Variants in CAPN9 observed in about 807,000 individuals in gnomAD.
CAPN9 encodes calpain 9, also known as calpain-9.
In CAPN9, 81 loss-of-function variants were observed where a neutral mutation model predicts 92.8. The ratio of observed to expected loss-of-function variants is 0.87; its 90% CI spans 0.73 to 1.05. The LOEUF is 1.05. CAPN9 is among the 50% of genes least tolerant of loss of function. The pLI, the probability that CAPN9 is intolerant of heterozygous loss-of-function variation, is 0.00. For missense variants in CAPN9, 848 were observed against 866.2 expected, an observed-to-expected ratio of 0.98 and a Z score of 0.26; for synonymous variants, 304 against 328.0, an observed-to-expected ratio of 0.93 and a Z score of 0.79.
chr1:230,752,629 G>A, intron 1 of CAPN9: 1 of 973,204 alleles, frequency 1.0e-6, no homozygotes, highest in Non-Finnish European at 1.2e-6. Flanking sequence ...AAGGAGGCGG[G>A]CATCCGGGAA....
chr1:230,780,737 C>A, intron 11 of CAPN9, 29 bp downstream of exon 11: 1 of 1,587,602 alleles, frequency 6.3e-7, no homozygotes, highest in Non-Finnish European at 8.7e-7. Context: ...TTCCAGAATC[C>A]CACTTCTTTT....
At chr1:230,768,996 C>T (rs779260096) in intron 5 of CAPN9, among the ~76,000 whole-genome samples, 184 bp from the exon 6 acceptor site, 1 of 152,266 alleles carries the variant, frequency 6.6e-6, no homozygotes. Context: ...GAGACTGGAA[C>T]TTGCTTCATG....
In CAPN9 at chr1:230,767,696, G is replaced by C; in HGVS notation, c.692G>C (p.Gly231Ala). ...EKALKRGSLL[G>A]CFIDTRSAAE... ...GCTTTGAAGAGAGGCTCCCTGCTGG[G>C]CTGCTTCATTGATGTAAGTTGCTCA... The change falls in exon 5 of 20, where the codon GGC becomes GCC. Residue 231 changes from glycine (G) to alanine (A), a missense_variant. By Grantham distance (60) the Gly-to-Ala change is moderately conservative (BLOSUM62 0). Transcript: ENST00000271971. 6.2e-7 allele frequency: 1 copy of C among 1,612,608 alleles called. No individual in the cohort carries two copies. The highest frequency in any genetic ancestry group is 1.1e-5 in the South Asian group (1 of 90,974).
rs1571997033 is a variant in CAPN9 at position 230,747,680 on chromosome 1, C to T, written c.184C>T (p.Gln62Ter). The change falls in exon 1 of 20, where the codon CAG becomes TAG. Residue 62 changes from glutamine to a stop codon, truncating the protein, a stop_gained. Transcript: ENST00000271971. LOFTEE classifies it high-confidence loss of function. ...CTCCCTGTTCTACAGTGAGAGGCCG[C>T]AGATCCCCTTTGTGTGGAAACGACC... Reference protein sequence around the residue: ...NSSLFYSERPQIPFVWKRPGE... With the variant: ...NSSLFYSERP 1 of 1,614,202 alleles carries T rather than the reference C, an allele frequency of 6.2e-7. No homozygotes were observed. The highest frequency in any genetic ancestry group is 2.2e-5 in the East Asian group (1 of 44,886).
At chr1:230,762,118 G>A (rs1159840998) in intron 3 of CAPN9, among the ~76,000 whole-genome samples, 3 of 152,192 alleles carry the variant, frequency 2.0e-5, no homozygotes, top group Admixed American at 6.5e-5. Flanking sequence ...TCACTGGCAC[G>A]CAGGGATTAC....
At chr1:230,789,406 G>A (rs1435214316) in intron 13 of CAPN9, among the ~76,000 whole-genome samples, 1 of 144,418 alleles carries the variant, frequency 6.9e-6, no homozygotes, top group Admixed American at 7.1e-5. Context: ...ATGGGAAATT[G>A]AGGCTGCAGT....
At chr1:230,767,358 T>C (rs138941489) in intron 4 of CAPN9, among the ~76,000 whole-genome samples, 183 bp from the exon 5 acceptor site, 17 of 152,248 alleles carry the variant, frequency 1.1e-4, no homozygotes, top group African/African-American at 3.9e-4. Flanking sequence ...GTCAGGATCT[T>C]TGGCTTCCTC....
At position 230,762,727 on chromosome 1, in the gene CAPN9, C is replaced by T. The variant is rs1259542731; in HGVS notation, c.477C>T (p.Phe159=). The T allele has an allele frequency of 6.2e-7, 1 of 1,614,184 alleles. No homozygotes were observed. Among genetic ancestry groups the T allele is most frequent in the East Asian group, 2.2e-5 (1 of 44,886 alleles). Residue 159 remains phenylalanine, a synonymous_variant, in exon 4 of 20, where the codon TTC becomes TTT. Coordinates refer to ENST00000271971, the MANE Select transcript of CAPN9 (RefSeq NM_006615.3). ...RLPTFRDRLV[F]LHSADHNEFW... is the part of the protein sequence containing the mutation. ...CCACCTTCAGGGACCGCTTGGTTTTCCTCCACTCTGCCGACCACAACGAGT... is the reference window on the plus strand; with the variant it reads ...CCACCTTCAGGGACCGCTTGGTTTTTCTCCACTCTGCCGACCACAACGAGT...
chr1:230,797,423 C>T (rs1455615639), intron 18 of CAPN9, among the ~76,000 whole-genome samples: 1 of 152,200 alleles, frequency 6.6e-6, no homozygotes, highest in Admixed American at 6.5e-5. Flanking sequence ...GGTTCATGCC[C>T]AAGTCTTCCA....
At chr1:230,782,850 C>T (rs55788948) in intron 11 of CAPN9, among the ~76,000 whole-genome samples, 5,701 of 152,184 alleles carry the variant, frequency 0.037, 164 homozygotes, top group Non-Finnish European at 0.059. Context: ...AACCCTATCT[C>T]TACTAAAAAT....
chr1:230,786,665 T>G (rs1667608731), intron 12 of CAPN9, among the ~76,000 whole-genome samples: 1 of 151,962 alleles, frequency 6.6e-6, no homozygotes, highest in African/African-American at 2.4e-5. Flanking sequence ...TTTGTCAGGG[T>G]TTTCTTAACA....
rs555270362 is a variant in CAPN9, at chr1:230,782,823, C to A, written c.1481+2115C>A. 2.2e-4 allele frequency among the ~76,000 whole-genome samples: 33 copies of A among 152,242 alleles called. 1 individual carries two copies. The highest frequency in any genetic ancestry group is 7.7e-4 in the African/African-American group (32 of 41,542). On this transcript the variant is annotated intron_variant, in intron 11 of 19. Transcript: ENST00000271971. ...CCTGAAGTCAGGAGTTTGAGACCAG[C>A]CTGGCCAACACAGAGAAACCCTATC... is the stretch of plus-strand genomic sequence containing the variant.
Position 230,747,521 on chromosome 1 carries a change from G to A in CAPN9, c.25G>A (p.Gly9Arg), listed in dbSNP as rs1399684265. The change falls in exon 1 of 20, where the codon GGG becomes AGG. Residue 9 changes from glycine to arginine, a missense_variant. By Grantham distance (125) the Gly-to-Arg change is moderately radical. Coordinates refer to ENST00000271971, the MANE Select transcript of CAPN9 (RefSeq NM_006615.3). MPYLYRAP[G>R]PQAHPVPKDA... ...CATGCCTTACCTCTACCGGGCCCCA[G>A]GGCCTCAGGCACACCCGGTTCCCAA... 6.2e-7 allele frequency: 1 copy of A among 1,614,010 alleles called. No homozygotes were observed. Among genetic ancestry groups the A allele is most frequent in the Non-Finnish European group, 8.5e-7 (1 of 1,180,046 alleles).
intron 12 of CAPN9, among the ~76,000 whole-genome samples, chr1:230,786,908 C>T (rs1052639378): frequency 8.6e-5 from 13 of 151,594 alleles, no homozygotes; most frequent in African/African-American, 2.9e-4. Flanking sequence ...TACCCTCGTC[C>T]AAGGGCTGGA....
intron 4 of CAPN9, among the ~76,000 whole-genome samples, chr1:230,763,997 A>G (rs993057291): frequency 2.6e-5 from 4 of 152,326 alleles, no homozygotes; most frequent in African/African-American, 9.6e-5. Flanking sequence ...TGTGCCATCT[A>G]GTTTCTAAAC....
chr1:230,792,712 T>G (rs1414695000), intron 16 of CAPN9, 138 bp from the exon 17 acceptor site: 45 of 796,710 alleles, frequency 5.6e-5, no homozygotes, highest in Non-Finnish European at 8.6e-5. Flanking sequence ...ACCGACTTCT[T>G]TTGGAAGGCC....
At chr1:230,757,718 T>TAA (rs1665334282) in intron 2 of CAPN9, among the ~76,000 whole-genome samples, 2 of 35,780 alleles carry the variant, frequency 5.6e-5, no homozygotes, top group African/African-American at 1.1e-4. Context: ...CACATCTCTA[T>TAA]CAAAAAAAAA....
chr1:230,768,859 G>A (rs983425843), intron 5 of CAPN9, among the ~76,000 whole-genome samples: 15 of 152,186 alleles, frequency 9.9e-5, no homozygotes, highest in Non-Finnish European at 1.9e-4. Context: ...TCTCTGGGAT[G>A]TATGTGATTG....
Position 230,780,523 on chromosome 1 carries a change from G to A in CAPN9, c.1296G>A (p.Leu432=). The change falls in exon 11 of 20, where the codon CTG becomes CTA. Residue 432 remains leucine (L), a synonymous_variant. Transcript: ENST00000271971. The part of the protein sequence containing the change: ...IYECPDKDEH[L]NKDFFRYHAS... ...AGTGCCCTGACAAAGACGAACACCT[G>A]AACAAAGACTTCTTCAGATACCACG... The A allele has an allele frequency of 6.2e-7, 1 of 1,614,074 alleles. No individual in the cohort carries two copies. Among genetic ancestry groups the A allele is most frequent in the Non-Finnish European group, 8.5e-7 (1 of 1,180,020 alleles).
Sources: gnomAD v4.1 joint callset for allele counts (sites outside exome capture counted in the v4.1 genomes callset) on GRCh38, gnomAD v4.1.1 for gene constraint, MANE v1.5 for transcripts, NCBI Gene and HGNC (gene_info 2026-07-23, HGNC 2026-07-21) for gene names.